PTPN11: variants seen among roughly 807,000 people sequenced by gnomAD.
The protein encoded by PTPN11 is tyrosine-protein phosphatase non-receptor type 11.
Under a neutral mutation model 78.8 loss-of-function variants are expected in PTPN11, and 6 were observed. That is an observed-to-expected ratio of 0.08 (90% confidence interval 0.04 to 0.15). The LOEUF is 0.15. Among genes scored for constraint, PTPN11 ranks in the 10% least tolerant of loss-of-function variants. PTPN11 has a pLI of 1.00. For synonymous variants in PTPN11, 221 were observed against 263.5 expected, an observed-to-expected ratio of 0.84 and a Z score of 1.56; for missense variants, 386 against 744.8, an observed-to-expected ratio of 0.52 and a Z score of 5.61.
chr12:112,462,716 T>C (rs950768370), intron 6 of PTPN11, among the ~76,000 whole-genome samples: 1 of 152,216 alleles, frequency 6.6e-6, no homozygotes, highest in Non-Finnish European at 1.5e-5. Context: ...CTTTTTTAAA[T>C]ATCCTGGACA....
At chr12:112,500,796 T>C (rs1162062002) in intron 13 of PTPN11, among the ~76,000 whole-genome samples, 1 of 152,168 alleles carries the variant, frequency 6.6e-6, no homozygotes, top group African/African-American at 2.4e-5. Flanking sequence ...TTTGCCATGT[T>C]GACCAGGCTA....
intron 1 of PTPN11, among the ~76,000 whole-genome samples, chr12:112,424,565 C>G (rs953118877): frequency 2.0e-5 from 3 of 152,010 alleles, no homozygotes; most frequent in African/African-American, 7.3e-5. Context: ...TGTGGAAAGT[C>G]TTTTTTGGAG....
intron 1 of PTPN11, among the ~76,000 whole-genome samples, chr12:112,436,153 G>A (rs1294153285): frequency 6.6e-6 from 1 of 151,982 alleles, no homozygotes; most frequent in Admixed American, 6.6e-5. Flanking sequence ...TACCAATATC[G>A]GGCTAAGTAG....
At chr12:112,469,159 A>G (rs1007209494) in intron 6 of PTPN11, among the ~76,000 whole-genome samples, 1 of 152,100 alleles carries the variant, frequency 6.6e-6, no homozygotes, top group Non-Finnish European at 1.5e-5. Context: ...CTGGTCTGGA[A>G]CTCTGAATTT....
chr12:112,441,933 C>T (rs946063826), intron 1 of PTPN11, among the ~76,000 whole-genome samples: 3 of 152,066 alleles, frequency 2.0e-5, no homozygotes, highest in Non-Finnish European at 4.4e-5. Flanking sequence ...CATGCCACCA[C>T]GCCTGGCTAA....
chr12:112,458,241 T>C (rs2038193485), intron 6 of PTPN11, among the ~76,000 whole-genome samples: 2 of 152,230 alleles, frequency 1.3e-5, no homozygotes, highest in Admixed American at 1.3e-4. Flanking sequence ...AGACAGAGTC[T>C]CACTTTGCTG....
intron 10 of PTPN11, among the ~76,000 whole-genome samples, chr12:112,485,942 C>T (rs1322174602): frequency 6.7e-6 from 1 of 150,180 alleles, no homozygotes; most frequent in Non-Finnish European, 1.5e-5. Flanking sequence ...GATCACGCCA[C>T]TGCACTCCAG....
chr12:112,476,364 T>C (rs563150716), intron 7 of PTPN11, among the ~76,000 whole-genome samples: 3 of 152,242 alleles, frequency 2.0e-5, no homozygotes, highest in Non-Finnish European at 4.4e-5. Flanking sequence ...TTGCAAAATA[T>C]GTTGTTTAGG....
intron 1 of PTPN11, among the ~76,000 whole-genome samples, chr12:112,438,176 G>T (rs374277754): frequency 6.6e-6 from 1 of 152,244 alleles, no homozygotes; most frequent in East Asian, 1.9e-4. Flanking sequence ...CTCTTCTTTT[G>T]CACAAAGGCT....
chr12:112,495,446 T>C (rs1272176815), intron 13 of PTPN11, among the ~76,000 whole-genome samples: 1 of 152,214 alleles, frequency 6.6e-6, no homozygotes, highest in East Asian at 1.9e-4. Flanking sequence ...TTCTCATGAT[T>C]AGACTTGAGT....
intron 4 of PTPN11, among the ~76,000 whole-genome samples, chr12:112,453,646 G>GTTTTTTTT (rs376601242): frequency 1.2e-4 from 14 of 116,562 alleles, no homozygotes; most frequent in East Asian, 2.5e-4. Context: ...CAGATTTTCT[G>GTTTTTTTT]TTTTTTTTTT....
At chr12:112,421,640 A>T (rs1385358375) in intron 1 of PTPN11, among the ~76,000 whole-genome samples, 2 of 151,764 alleles carry the variant, frequency 1.3e-5, no homozygotes, top group Admixed American at 6.6e-5. Flanking sequence ...TATTGTTATT[A>T]TTGTGTTTTT....
chr12:112,445,093 G>GCACATA (rs1054185421), intron 1 of PTPN11, among the ~76,000 whole-genome samples: 1 of 151,926 alleles, frequency 6.6e-6, no homozygotes, highest in African/African-American at 2.4e-5. Context: ...ATTCATAAAA[G>GCACATA]CACATACACA....
chr12:112,474,267 A>T (rs1026512095), intron 7 of PTPN11, among the ~76,000 whole-genome samples: 1 of 152,096 alleles, frequency 6.6e-6, no homozygotes. Context: ...GAGGCAGGAG[A>T]ATCGCTTGAA....
chr12:112,467,449 A>G (rs1389226907), intron 6 of PTPN11, among the ~76,000 whole-genome samples: 1 of 152,126 alleles, frequency 6.6e-6, no homozygotes, highest in African/African-American at 2.4e-5. Flanking sequence ...AGACGATCAC[A>G]TGGCCGGAGT....
At chr12:112,475,830 T>TA (rs896492733) in intron 7 of PTPN11, among the ~76,000 whole-genome samples, 3 of 152,334 alleles carry the variant, frequency 2.0e-5, no homozygotes, top group African/African-American at 7.2e-5. Context: ...TATTGTAATG[T>TA]ATATGTATGA....
chr12:112,479,597 C>T (rs1007200425), intron 9 of PTPN11, among the ~76,000 whole-genome samples: 1 of 152,152 alleles, frequency 6.6e-6, no homozygotes, highest in African/African-American at 2.4e-5. Flanking sequence ...ATTAATGGAC[C>T]AATGAAAACA....
At chr12:112,422,086 A>G (rs928995906) in intron 1 of PTPN11, among the ~76,000 whole-genome samples, 1 of 152,228 alleles carries the variant, frequency 6.6e-6, no homozygotes, top group Non-Finnish European at 1.5e-5. Flanking sequence ...AATAAATTCT[A>G]GGAGGGAAAA....
chr12:112,429,041 C>T (rs1056463338), intron 1 of PTPN11, among the ~76,000 whole-genome samples: 9 of 152,204 alleles, frequency 5.9e-5, no homozygotes, highest in African/African-American at 2.2e-4. Context: ...GCCACCGCGT[C>T]CGGCCTCTTA....
Sources: allele counts gnomAD v4.1 joint callset (sites outside exome capture counted in the v4.1 genomes callset), GRCh38; gene constraint gnomAD v4.1.1; transcripts MANE v1.5; gene names NCBI Gene and HGNC (gene_info 2026-07-23, HGNC 2026-07-21).